Variants in LAMA3 observed in about 807,000 individuals in gnomAD.
LAMA3 encodes laminin subunit alpha-3.
Under a neutral mutation model 402.0 loss-of-function variants are expected in LAMA3, and 281 were observed. The ratio of observed to expected loss-of-function variants is 0.70; its 90% CI spans 0.63 to 0.77. The LOEUF (loss-of-function observed/expected upper bound fraction) is 0.77, where lower values mean the gene tolerates loss of function less well. Among genes scored for constraint, LAMA3 ranks in the 30% least tolerant of loss-of-function variants. The pLI is 0.00. For synonymous variants in LAMA3, 1,431 were observed against 1,558.4 expected (o/e 0.92, Z 1.93); for missense variants, 3,840 against 4,215.5 (o/e 0.91, Z 2.47).
At chr18:23,938,864 G>T (rs2082395622) in intron 67 of LAMA3, among the ~76,000 whole-genome samples, 1 of 151,976 alleles carries the variant, frequency 6.6e-6, no homozygotes, top group Non-Finnish European at 1.5e-5. Flanking sequence ...CCTAAACTTT[G>T]TTTTCCCCAA....
In LAMA3 at chr18:23,857,867, G is replaced by A. The variant is rs112861599; in HGVS notation, c.4160G>A (p.Arg1387Gln). Residue 1387 changes from arginine to glutamine, a missense_variant, in exon 33 of 75, where the codon CGG becomes CAG. Arg to Gln is a conservative substitution (Grantham distance 43). Coordinates refer to ENST00000313654, the MANE Select transcript of LAMA3 (RefSeq NM_198129.4). ...AGATGCAAGCCCAGAATCACAGGGCGGCAGTGTGACCGATGTGCTTCCGGG... is the reference window on the plus strand; with the variant it reads ...AGATGCAAGCCCAGAATCACAGGGCAGCAGTGTGACCGATGTGCTTCCGGG... Reference protein sequence around the residue: ...QCRCKPRITGRQCDRCASGFY... With the variant: ...QCRCKPRITGQQCDRCASGFY... 3.2e-4 allele frequency: 520 copies of A among 1,614,202 alleles called. 2 individuals are homozygous for A. The African/African-American group carries it at 4.8e-3, about 15-fold the overall frequency.
chr18:23,853,683 C>G (rs970030639), intron 32 of LAMA3, among the ~76,000 whole-genome samples: 2 of 152,206 alleles, frequency 1.3e-5, no homozygotes, highest in Admixed American at 1.3e-4. Flanking sequence ...TGGCCAGGAG[C>G]CCCATTGCCA....
chr18:23,798,860 G>A (rs535952968), intron 12 of LAMA3, among the ~76,000 whole-genome samples: 1 of 152,304 alleles, frequency 6.6e-6, no homozygotes, highest in South Asian at 2.1e-4. Context: ...GCACTAAGGA[G>A]CTCTGTTTGG....
chr18:23,742,254 G>A lies in LAMA3; in HGVS notation c.448-5689G>A, dbSNP rs539464806. On this transcript the variant is annotated intron_variant, in intron 2 of 74. Transcript: ENST00000313654. ...ACATTAAGACTTAGAACAGACTGTGGGACATTTTGGACTGTTCAAAATGTC... is the reference window on the plus strand; with the variant it reads ...ACATTAAGACTTAGAACAGACTGTGAGACATTTTGGACTGTTCAAAATGTC... Among the ~76,000 whole-genome samples the A allele has an allele frequency of 6.6e-5, 10 of 152,258 alleles. No homozygotes were observed. The South Asian group carries it at 1.9e-3, about 28-fold the overall frequency.
intron 38 of LAMA3, chr18:23,873,075 A>G (rs1407925893): frequency 2.5e-6 from 4 of 1,614,222 alleles, no homozygotes; most frequent in Non-Finnish European, 3.4e-6. Context: ...GTCAGCCTGC[A>G]GCATGGGATG....
intron 10 of LAMA3, among the ~76,000 whole-genome samples, chr18:23,777,131 C>A (rs972712739): frequency 6.6e-6 from 1 of 151,910 alleles, no homozygotes; most frequent in African/African-American, 2.4e-5. Context: ...TGAGCCACTG[C>A]GCTCGGCCTG....
At position 23,903,064 on chromosome 18, in the gene LAMA3, C is replaced by T; in HGVS notation, c.6257C>T (p.Thr2086Ile). Residue 2086 changes from threonine to isoleucine, a missense_variant, in exon 49 of 75, where the codon ACT (threonine) becomes ATT (isoleucine). Coordinates refer to ENST00000313654, the MANE Select transcript of LAMA3 (RefSeq NM_198129.4). ...AGTGATTTCACCAAGTATCTAACCACTGCAGACTCATCTTTGTTGCAAACC... is the reference window on the plus strand; with the variant it reads ...AGTGATTTCACCAAGTATCTAACCATTGCAGACTCATCTTTGTTGCAAACC... ...LQSDFTKYLTTADSSLLQTNI... is the reference protein window; with the variant it reads ...LQSDFTKYLTIADSSLLQTNI... 6.2e-7 allele frequency: 1 copy of T among 1,613,438 alleles called. No individual in the cohort carries two copies. Among genetic ancestry groups the T allele is most frequent in the Non-Finnish European group, 8.5e-7 (1 of 1,179,488 alleles).
chr18:23,733,493 A>G (rs2061426185), intron 2 of LAMA3, among the ~76,000 whole-genome samples: 1 of 152,046 alleles, frequency 6.6e-6, no homozygotes, highest in African/African-American at 2.4e-5. Context: ...TACCATGAGA[A>G]CAGTACGGGA....
At chr18:23,800,208 A>G (rs556255562) in intron 12 of LAMA3, among the ~76,000 whole-genome samples, 2 of 152,338 alleles carry the variant, frequency 1.3e-5, no homozygotes, top group South Asian at 4.1e-4. Flanking sequence ...AATTCTGACT[A>G]ACATGATACA....
intron 62 of LAMA3, among the ~76,000 whole-genome samples, chr18:23,927,689 G>A (rs1484745864): frequency 1.3e-5 from 2 of 152,018 alleles, no homozygotes; most frequent in African/African-American, 2.4e-5. Flanking sequence ...AGAGCAAAAG[G>A]TTTTCTAGAG....
intron 1 of LAMA3, among the ~76,000 whole-genome samples, chr18:23,695,147 G>C (rs2060660756): frequency 1.3e-5 from 2 of 152,204 alleles, no homozygotes; most frequent in East Asian, 1.9e-4. Flanking sequence ...GGCAAGGAAG[G>C]ATCCTTCCTC....
chr18:23,853,269 G>A (rs1171027090), intron 32 of LAMA3, among the ~76,000 whole-genome samples: 1 of 152,032 alleles, frequency 6.6e-6, no homozygotes, highest in East Asian at 1.9e-4. Flanking sequence ...GGGCCCTACA[G>A]TGTTTATTAA....
At chr18:23,750,675 T>A (rs1395626757) in intron 4 of LAMA3, among the ~76,000 whole-genome samples, 1 of 152,068 alleles carries the variant, frequency 6.6e-6, no homozygotes, top group Non-Finnish European at 1.5e-5. Flanking sequence ...AACGTAATGA[T>A]AACATCTCCC....
intron 12 of LAMA3, among the ~76,000 whole-genome samples, chr18:23,784,459 T>A (rs987884823): frequency 1.3e-5 from 2 of 152,182 alleles, no homozygotes; most frequent in African/African-American, 4.8e-5. Flanking sequence ...CTGCCACCAC[T>A]TCTCAGATCC....
In LAMA3 at chr18:23,918,830, G is replaced by A. The variant is rs1386512592; in HGVS notation, c.7924-2105G>A. Among the ~76,000 whole-genome samples, 2 of 152,124 alleles carry A rather than the reference G, an allele frequency of 1.3e-5. No homozygotes were observed. The highest frequency in any genetic ancestry group is 2.4e-5 in the African/African-American group (1 of 41,422). On this transcript the variant is annotated intron_variant, in intron 60 of 74. Transcript: ENST00000313654. This position sits in a 1 kb window ranked among gnomAD's most constrained non-coding sequence, Gnocchi z 4.1. ...TGGGATTTTACCAGAGTCTTCTACC[G>A]CAGGGTGGTGACACTGACCCGGTCC...
chr18:23,846,463 T>C lies in LAMA3; in HGVS notation c.3886T>C (p.Cys1296Arg), dbSNP rs1461054439. 3.7e-6 allele frequency: 6 copies of C among 1,613,016 alleles called. No homozygotes were observed. The highest frequency in any genetic ancestry group is 5.1e-6 in the Non-Finnish European group (6 of 1,180,010). Residue 1296 changes from cysteine (C) to arginine (R), a missense_variant, in exon 31 of 75, where the codon TGC becomes CGC. Coordinates refer to ENST00000313654, the MANE Select transcript of LAMA3 (RefSeq NM_198129.4). ...PCQPNVIGRQ[C>R]TRCATGHYGF... is the part of the protein sequence containing the mutation. Reference sequence around the variant, plus strand: ...CCAGCCCAACGTCATCGGGCGGCAGTGCACCCGCTGTGCAACAGGCCACTA... The same window carrying C: ...CCAGCCCAACGTCATCGGGCGGCAGCGCACCCGCTGTGCAACAGGCCACTA...
chr18:23,874,310 AATAG>A (rs1258980032), intron 38 of LAMA3, among the ~76,000 whole-genome samples: 50 of 152,366 alleles, frequency 3.3e-4, no homozygotes, highest in African/African-American at 1.1e-3. Flanking sequence ...CAGATTGTAT[AATAG>A]ATAGAATGAC....
intron 7 of LAMA3, 147 bp from the exon 8 acceptor site, chr18:23,763,258 G>A: frequency 1.5e-6 from 1 of 654,090 alleles, no homozygotes; most frequent in Non-Finnish European, 2.8e-6. Flanking sequence ...TTTGTGTAAA[G>A]ATCCCTAAAA....
chr18:23,827,014 T>C (rs1390870137), intron 22 of LAMA3, among the ~76,000 whole-genome samples: 1 of 152,220 alleles, frequency 6.6e-6, no homozygotes, highest in Non-Finnish European at 1.5e-5. Flanking sequence ...GCTACCACCC[T>C]CCAGCATGTG....
Sources: allele counts gnomAD v4.1 joint callset (sites outside exome capture counted in the v4.1 genomes callset), GRCh38; gene constraint gnomAD v4.1.1; non-coding constraint Gnocchi (gnomAD v3.1); transcripts MANE v1.5; gene names NCBI Gene and HGNC (gene_info 2026-07-23, HGNC 2026-07-21).